TRAPPC9: variants seen among roughly 807,000 people sequenced by gnomAD.
The protein encoded by TRAPPC9 is IKK2 binding protein.
In TRAPPC9, 83 loss-of-function variants were observed where a neutral mutation model predicts 124.0. The observed-to-expected ratio is 0.67, with a 90% CI of 0.56 to 0.80. The LOEUF (loss-of-function observed/expected upper bound fraction) is 0.80, where lower values mean the gene tolerates loss of function less well. Among genes scored for constraint, TRAPPC9 ranks in the 30% least tolerant of loss-of-function variants. The pLI is 0.00. For missense variants in TRAPPC9, 1,302 were observed against 1,508.3 expected (o/e 0.86, Z 2.27); for synonymous variants, 638 against 617.5 (o/e 1.03, Z -0.49).
chr8:140,302,712 A>G (rs2066015804), intron 10 of TRAPPC9: 1 of 152,216 alleles, frequency 6.6e-6, no homozygotes, highest in Admixed American at 6.5e-5. Context: ...TTAATTCATC[A>G]ATCTTATTCA....
chr8:140,060,729 TA>T (rs1842560938), intron 17 of TRAPPC9, among the ~76,000 whole-genome samples: 1 of 152,128 alleles, frequency 6.6e-6, no homozygotes, highest in African/African-American at 2.4e-5. Flanking sequence ...GAGGAAGGAT[TA>T]GGGGGAAGGA....
chr8:140,199,023 G>A (rs936910554), intron 17 of TRAPPC9, among the ~76,000 whole-genome samples: 2 of 152,184 alleles, frequency 1.3e-5, no homozygotes, highest in African/African-American at 4.8e-5. Flanking sequence ...CGGGGAGTGC[G>A]GGACTCCTGG....
At chr8:139,985,431 G>A (rs1837181791) in intron 19 of TRAPPC9, among the ~76,000 whole-genome samples, 1 of 152,174 alleles carries the variant, frequency 6.6e-6, no homozygotes, top group Non-Finnish European at 1.5e-5. Context: ...ACTGCCAAAG[G>A]CGTAGACCCC....
chr8:139,834,097 C>A (rs191905302), intron 21 of TRAPPC9, among the ~76,000 whole-genome samples: 1 of 152,158 alleles, frequency 6.6e-6, no homozygotes, highest in Non-Finnish European at 1.5e-5. Flanking sequence ...TGAGAAACTC[C>A]GGTGCATAGA....
rs569392522 is a variant in TRAPPC9, at chr8:139,856,639, C to T, written c.3055+29240G>A. On this transcript the variant is annotated intron_variant, in intron 21 of 22. Transcript: ENST00000438773. ...GATTTGTGAATGTTCTCAAGAGCAA[C>T]GGCATTAGCTGCACTGTGAGCACTA... Among the ~76,000 whole-genome samples the T allele has an allele frequency of 2.6e-4, 39 of 151,708 alleles. No homozygotes were observed. The South Asian group carries it at 3.5e-3, about 14-fold the overall frequency.
chr8:140,399,861 C>G (rs577636976), intron 6 of TRAPPC9, among the ~76,000 whole-genome samples: 2 of 152,196 alleles, frequency 1.3e-5, no homozygotes, highest in Admixed American at 6.5e-5. Context: ...TGTGTCCCCA[C>G]CCAAATCTCA....
chr8:140,401,356 T>C (rs2069261086), intron 6 of TRAPPC9, among the ~76,000 whole-genome samples: 1 of 152,198 alleles, frequency 6.6e-6, no homozygotes, highest in Non-Finnish European at 1.5e-5. Flanking sequence ...ATATAAGTTA[T>C]CACAGACGAT....
At chr8:140,452,120 C>CAAA (rs534391613) in intron 1 of TRAPPC9, among the ~76,000 whole-genome samples, 14 of 83,926 alleles carry the variant, frequency 1.7e-4, no homozygotes, top group African/African-American at 6.2e-4. Context: ...GACTCCGTCT[C>CAAA]AAAAAAAAAA....
chr8:140,031,321 T>C (rs1840481563), intron 17 of TRAPPC9, among the ~76,000 whole-genome samples: 1 of 152,246 alleles, frequency 6.6e-6, no homozygotes, highest in African/African-American at 2.4e-5. Flanking sequence ...TGCCAGATGT[T>C]GCCTGAGGTT....
At chr8:140,450,693 A>G (rs1365335259) in intron 2 of TRAPPC9, 97 bp downstream of exon 2, 6 of 989,770 alleles carry the variant, frequency 6.1e-6, no homozygotes, top group Non-Finnish European at 9.4e-6. Context: ...ACCAATGGAC[A>G]ACACCTTTCT....
intron 15 of TRAPPC9, among the ~76,000 whole-genome samples, chr8:140,274,896 A>G (rs957241703): frequency 3.3e-5 from 5 of 152,202 alleles, no homozygotes; most frequent in Non-Finnish European, 7.3e-5. Context: ...AAAGCACATA[A>G]AACACCCCAA....
At chr8:140,436,436 T>C (rs1270792529) in intron 3 of TRAPPC9, among the ~76,000 whole-genome samples, 1 of 152,214 alleles carries the variant, frequency 6.6e-6, no homozygotes. Context: ...AATAAAGTAC[T>C]GGAGGAATGG....
In TRAPPC9 at chr8:139,983,023, A is replaced by G. The variant is rs77291773; in HGVS notation, c.2810+5703T>C. ...CACAAAATCTACATGCTGAAATCCT[A>G]CCCTCCATGGTGATTATATTAAAGG... On this transcript the variant is annotated intron_variant, in intron 19 of 22. Transcript: ENST00000438773. Among the ~76,000 whole-genome samples, 1,297 of 152,040 alleles carry G rather than the reference A, an allele frequency of 8.5e-3. 20 individuals carry two copies. Among genetic ancestry groups the G allele is most frequent in the African/African-American group, 0.03 (1,252 of 41,448 alleles).
At chr8:140,412,955 G>A (rs2069760489) in intron 5 of TRAPPC9, among the ~76,000 whole-genome samples, 1 of 152,074 alleles carries the variant, frequency 6.6e-6, no homozygotes, top group African/African-American at 2.4e-5. Flanking sequence ...GAAAGGAAAG[G>A]AAAAAGGAAA....
intron 18 of TRAPPC9, among the ~76,000 whole-genome samples, chr8:140,022,328 C>T (rs1284159473): frequency 6.6e-6 from 1 of 152,152 alleles, no homozygotes; most frequent in Non-Finnish European, 1.5e-5. Context: ...CATCAAATCT[C>T]AATCCCAAGA....
intron 20 of TRAPPC9, among the ~76,000 whole-genome samples, chr8:139,899,255 C>T (rs1250865697): frequency 2.0e-5 from 3 of 151,812 alleles, no homozygotes; most frequent in Non-Finnish European, 2.9e-5. Context: ...TAATTTTTGA[C>T]TCCACCAAAA....
intron 21 of TRAPPC9, among the ~76,000 whole-genome samples, chr8:139,842,805 C>T (rs1826822951): frequency 6.6e-6 from 1 of 152,230 alleles, no homozygotes; most frequent in African/African-American, 2.4e-5. Flanking sequence ...CTGGTGGGTC[C>T]TCCGAGTTCT....
chr8:139,947,128 A>G (rs748521920), intron 19 of TRAPPC9, among the ~76,000 whole-genome samples: 4 of 152,244 alleles, frequency 2.6e-5, no homozygotes, highest in African/African-American at 4.8e-5. Context: ...GGCAAGTCAA[A>G]TAAGTAGCGT....
At chr8:139,731,957 C>T (rs987196264) in intron 22 of TRAPPC9, 22 bp downstream of exon 22, 15 of 1,554,442 alleles carry the variant, frequency 9.6e-6, no homozygotes, top group Admixed American at 5.8e-5. Context: ...GCTCCCAGAC[C>T]GCCTTGCACA....
Sources: allele counts gnomAD v4.1 joint callset (sites outside exome capture counted in the v4.1 genomes callset), GRCh38; gene constraint gnomAD v4.1.1; transcripts MANE v1.5; gene names NCBI Gene and HGNC (gene_info 2026-07-23, HGNC 2026-07-21).